SLC37A3: variants seen among roughly 807,000 people sequenced by gnomAD.
The protein encoded by SLC37A3 is sugar phosphate exchanger 3.
In SLC37A3, 51 loss-of-function variants were observed where a neutral mutation model predicts 67.1. The observed-to-expected ratio is 0.76, with a 90% CI of 0.61 to 0.96. The LOEUF is 0.96. Ranked by LOEUF, SLC37A3 falls within the 40% of genes least tolerant of loss-of-function variation. The pLI is 0.00. For synonymous variants in SLC37A3, 214 were observed against 231.4 expected (o/e 0.92, Z 0.68); for missense variants, 508 against 603.0 (o/e 0.84, Z 1.65).
chr7:140,345,190 T>C (rs1796505465), intron 12 of SLC37A3, 26 bp downstream of exon 12: 1 of 1,602,532 alleles, frequency 6.2e-7, no homozygotes, highest in African/African-American at 1.3e-5. Flanking sequence ...AACAGAAGCA[T>C]GGTGGAGCAG....
At chr7:140,393,095 A>T (rs1228871516) in intron 1 of SLC37A3, among the ~76,000 whole-genome samples, 1 of 151,944 alleles carries the variant, frequency 6.6e-6, no homozygotes, top group African/African-American at 2.4e-5. Flanking sequence ...CCGTCCCAAA[A>T]AAAAAACTCA....
rs78815725 is a variant in SLC37A3 at position 140,363,705 on chromosome 7, TA to T, written c.375+702del. Among the ~76,000 whole-genome samples, 28 of 91,178 alleles carry T rather than the reference TA, an allele frequency of 3.1e-4. No homozygotes were observed. The East Asian group carries it at 3.1e-3, about 10-fold the overall frequency. The allele number at this position is 91,178 out of a possible 152,430, so 59.8% of individuals were successfully genotyped here. On this transcript the variant is annotated intron_variant, in intron 5 of 14. Transcript: ENST00000326232. Reference sequence around the variant, plus strand: ...GAATGATCAATAAAAAAAAAATAAATAAAAAAATAAAAAAAAAAGAGCAAAA... The same window carrying T: ...GAATGATCAATAAAAAAAAAATAAATAAAAAATAAAAAAAAAAGAGCAAAA...
intron 2 of SLC37A3, 146 bp downstream of exon 2, chr7:140,382,292 G>A (rs574453828): frequency 3.4e-5 from 23 of 679,778 alleles, no homozygotes; most frequent in South Asian, 2.8e-4. Context: ...CCAGAACTAC[G>A]ATATTACAGC....
intron 9 of SLC37A3, 57 bp from the exon 10 acceptor site, chr7:140,348,824 T>C (rs1249477290): frequency 7.0e-6 from 11 of 1,581,492 alleles, no homozygotes; most frequent in Middle Eastern, 1.7e-4. Flanking sequence ...ACGACTACCA[T>C]TTTTAATGTC....
At chr7:140,361,570 C>G (rs1447689910) in intron 5 of SLC37A3, among the ~76,000 whole-genome samples, 1 of 138,276 alleles carries the variant, frequency 7.2e-6, no homozygotes, top group Non-Finnish European at 1.6e-5. Flanking sequence ...TCTCCACGGT[C>G]TCCTTCCACG....
chr7:140,393,924 A>T (rs1381052510), intron 1 of SLC37A3, among the ~76,000 whole-genome samples: 1 of 152,118 alleles, frequency 6.6e-6, no homozygotes, highest in Non-Finnish European at 1.5e-5. Context: ...TAATCTCAAC[A>T]GTTTGGGAGG....
intron 14 of SLC37A3, among the ~76,000 whole-genome samples, chr7:140,336,305 G>A (rs768969294): frequency 3.5e-4 from 54 of 152,232 alleles, no homozygotes; most frequent in Non-Finnish European, 5.4e-4. Flanking sequence ...AGGTAATCAG[G>A]AGGCTGAGGT....
At chr7:140,390,609 G>A (rs942164819) in intron 1 of SLC37A3, among the ~76,000 whole-genome samples, 6 of 151,910 alleles carry the variant, frequency 3.9e-5, no homozygotes, top group Admixed American at 6.6e-5. Context: ...GATCTCCCTC[G>A]CACTCCCGTC....
At chr7:140,335,753 G>C (rs1308538803) in intron 14 of SLC37A3, among the ~76,000 whole-genome samples, 1 of 152,320 alleles carries the variant, frequency 6.6e-6, no homozygotes, top group Middle Eastern at 3.4e-3. Context: ...GCGGAGCAGA[G>C]AACTGAGACC....
intron 4 of SLC37A3, among the ~76,000 whole-genome samples, chr7:140,366,501 T>A (rs930332562): frequency 6.6e-6 from 1 of 151,998 alleles, no homozygotes; most frequent in East Asian, 1.9e-4. Context: ...ACCATGACCA[T>A]TGATTTTTCA....
chr7:140,380,981 C>G (rs1798229811), intron 2 of SLC37A3, among the ~76,000 whole-genome samples: 1 of 148,768 alleles, frequency 6.7e-6, no homozygotes, highest in African/African-American at 2.5e-5. Flanking sequence ...ACTGCAAACT[C>G]AGCCTCCTGG....
At chr7:140,381,258 A>G (rs1183526242) in intron 2 of SLC37A3, among the ~76,000 whole-genome samples, 2 of 148,836 alleles carry the variant, frequency 1.3e-5, no homozygotes, top group Non-Finnish European at 3.0e-5. Context: ...TCACGCCTAT[A>G]GTCCCAGCAC....
At position 140,346,053 on chromosome 7, in the gene SLC37A3, C is replaced by T. The variant is rs1796546088; in HGVS notation, c.1025-83G>A. The T allele has an allele frequency of 1.0e-5, 10 of 971,194 alleles. No homozygotes were observed. The Admixed American group carries it at 1.4e-4, about 14-fold the overall frequency. 60.2% of individuals were successfully genotyped at this position (971,194 alleles called of 1,614,324 possible). On this transcript the variant is annotated intron_variant, in intron 10 of 14. Transcript: ENST00000326232. ...GCGTGCTCCCCATTTGCCCTCTAGT[C>T]TCACTAGCAGCAGCCTGACACTAGT...
chr7:140,369,012 C>T (rs1797716016), intron 4 of SLC37A3, among the ~76,000 whole-genome samples: 1 of 152,132 alleles, frequency 6.6e-6, no homozygotes, highest in African/African-American at 2.4e-5. Flanking sequence ...ACAAAACCTT[C>T]CAGCAGCTCC....
At chr7:140,396,427 C>A (rs1219851668) in intron 1 of SLC37A3, among the ~76,000 whole-genome samples, 1 of 152,154 alleles carries the variant, frequency 6.6e-6, no homozygotes, top group Admixed American at 6.6e-5. Flanking sequence ...TAATTTTTAT[C>A]TCTTCTTAAA....
chr7:140,353,257 C>T (rs1004103249), intron 7 of SLC37A3, among the ~76,000 whole-genome samples: 7 of 151,854 alleles, frequency 4.6e-5, no homozygotes, highest in African/African-American at 7.3e-5. Context: ...CCGAGGTGGG[C>T]GGATCACCTG....
intron 2 of SLC37A3, among the ~76,000 whole-genome samples, chr7:140,380,973 T>C (rs1386445845): frequency 1.3e-5 from 2 of 149,234 alleles, no homozygotes; most frequent in Non-Finnish European, 3.0e-5. Flanking sequence ...CTCAGCTCAC[T>C]GCAAACTCAG....
chr7:140,387,752 TATAA>T (rs1397744593), intron 1 of SLC37A3, among the ~76,000 whole-genome samples: 6 of 90,366 alleles, frequency 6.6e-5, no homozygotes, highest in Admixed American at 4.4e-4. Flanking sequence ...ATTATATAAA[TATAA>T]ATATATTATA....
intron 12 of SLC37A3, among the ~76,000 whole-genome samples, chr7:140,344,494 G>A (rs890204644): frequency 4.6e-5 from 7 of 152,120 alleles, no homozygotes; most frequent in Admixed American, 3.9e-4. Context: ...GGTGGCTCAC[G>A]CCTGTAATCC....
Sources: allele counts gnomAD v4.1 joint callset (sites outside exome capture counted in the v4.1 genomes callset), GRCh38; gene constraint gnomAD v4.1.1; transcripts MANE v1.5; gene names NCBI Gene and HGNC (gene_info 2026-07-23, HGNC 2026-07-21).